YES1: variants seen among roughly 807,000 people sequenced by gnomAD.
YES1 encodes YES proto-oncogene 1, Src family tyrosine kinase.
Under a neutral mutation model 70.4 loss-of-function variants are expected in YES1, and 39 were observed. The ratio of observed to expected loss-of-function variants is 0.55; its 90% confidence interval spans 0.43 to 0.72. The LOEUF is 0.72. Ranked by LOEUF, YES1 falls within the 30% of genes least tolerant of loss-of-function variation. YES1 has a pLI of 0.00. For missense variants in YES1, 495 were observed against 644.8 expected, an observed-to-expected ratio of 0.77 and a Z score of 2.52; for synonymous variants, 198 against 218.6, an observed-to-expected ratio of 0.91 and a Z score of 0.83.
intron 1 of YES1, among the ~76,000 whole-genome samples, chr18:790,888 C>T (rs1906210401): frequency 6.6e-6 from 1 of 152,126 alleles, no homozygotes. Context: ...CAAAAGAGCT[C>T]CTTCCCAACT....
intron 2 of YES1, among the ~76,000 whole-genome samples, chr18:754,157 C>G (rs750607137): frequency 9.9e-5 from 15 of 152,164 alleles, no homozygotes; most frequent in Non-Finnish European, 1.5e-4. Context: ...TTTACTTAAT[C>G]TCTTCAGCAG....
chr18:812,386 G>C (rs1460312687), upstream of YES1: 2 of 150,492 alleles, frequency 1.3e-5, no homozygotes, highest in African/African-American at 4.9e-5. Flanking sequence ...GCGGGTACCT[G>C]CGCGCGCCGC....
At chr18:779,730 C>T (rs1905558287) in intron 1 of YES1, among the ~76,000 whole-genome samples, 1 of 152,160 alleles carries the variant, frequency 6.6e-6, no homozygotes, top group Admixed American at 6.6e-5. Context: ...ATTTTCACAC[C>T]TTACTTCCAG....
At chr18:756,483 A>G in intron 2 of YES1, 74 bp downstream of exon 2, 1 of 1,533,914 alleles carries the variant, frequency 6.5e-7, no homozygotes, top group East Asian at 2.3e-5. Context: ...TCTTAAAGGC[A>G]GACAAGCCTT....
chr18:790,090 T>A (rs1435567794), intron 1 of YES1, among the ~76,000 whole-genome samples: 1 of 148,392 alleles, frequency 6.7e-6, no homozygotes, highest in Non-Finnish European at 1.5e-5. Context: ...AACAAAAGAT[T>A]CCCGGCTGAG....
intron 11 of YES1, among the ~76,000 whole-genome samples, chr18:726,500 G>C (rs1299989981): frequency 6.6e-6 from 1 of 151,962 alleles, no homozygotes; most frequent in African/African-American, 2.4e-5. Flanking sequence ...TTTGATGCCA[G>C]CTGGGCATGG....
intron 1 of YES1, among the ~76,000 whole-genome samples, chr18:767,916 G>T (rs1483130214): frequency 6.6e-6 from 1 of 151,996 alleles, no homozygotes; most frequent in Non-Finnish European, 1.5e-5. Flanking sequence ...GGCCAGGCTG[G>T]TCTCAAACTC....
chr18:730,303 T>C (rs1264004575), intron 11 of YES1, among the ~76,000 whole-genome samples: 3 of 151,820 alleles, frequency 2.0e-5, no homozygotes, highest in Non-Finnish European at 4.4e-5. Flanking sequence ...AGACTCTCCC[T>C]GTGTATGTGC....
chr18:780,355 C>CCATGTATGGATTAA (rs1568211768), intron 1 of YES1, among the ~76,000 whole-genome samples: 95 of 151,996 alleles, frequency 6.3e-4, no homozygotes, highest in African/African-American at 2.1e-3. Flanking sequence ...GTATGGATTA[C>CCATGTATGGATTAA]TAAAGGATAA....
chr18:750,404 T>C (rs972930486), intron 3 of YES1, among the ~76,000 whole-genome samples: 1 of 152,212 alleles, frequency 6.6e-6, no homozygotes, highest in South Asian at 2.1e-4. Context: ...TTCAGCACTA[T>C]TGACACCTTG....
At chr18:787,080 CTTTTTTTTTTTTTTTT>C (rs71174290) in intron 1 of YES1, among the ~76,000 whole-genome samples, 17 of 34,752 alleles carry the variant, frequency 4.9e-4, no homozygotes, top group South Asian at 3.3e-3. Flanking sequence ...TACATACTGT[CTTTTTTTTTTTTTTTT>C]TTTTTTTTTT....
At chr18:741,079 G>A (rs2080212087) in intron 8 of YES1, among the ~76,000 whole-genome samples, 2 of 151,852 alleles carry the variant, frequency 1.3e-5, no homozygotes, top group African/African-American at 4.8e-5. Context: ...TGTATTTTTA[G>A]CAGAGACGGG....
intron 11 of YES1, among the ~76,000 whole-genome samples, chr18:729,030 T>C (rs12185416): frequency 0.59 from 89,252 of 152,018 alleles, 26,553 homozygotes; most frequent in East Asian, 0.71. Context: ...AAAAATGTTG[T>C]TACTGTTTCA....
chr18:735,543 G>A (rs1279526232), intron 10 of YES1, among the ~76,000 whole-genome samples: 3 of 151,838 alleles, frequency 2.0e-5, no homozygotes, highest in Non-Finnish European at 4.4e-5. Flanking sequence ...GTGAAACCCC[G>A]TCTCTACTGA....
intron 11 of YES1, among the ~76,000 whole-genome samples, chr18:731,490 A>G (rs988209022): frequency 1.3e-5 from 2 of 152,210 alleles, no homozygotes; most frequent in African/African-American, 4.8e-5. Context: ...AATATGTTAG[A>G]TAACATGCAA....
Position 723,545 on chromosome 18 carries a change from G to A in YES1, c.*879C>T, listed in dbSNP as rs1298546093. ...GACATATAAGCAATACTCACAGTAC[G>A]AAGTCTAGTTTTTAAAAAGGGCTTT... On this transcript the variant is annotated 3_prime_UTR_variant, in exon 12 of 12. Transcript: ENST00000314574. 3 of 152,540 alleles carry A rather than the reference G, an allele frequency of 2.0e-5. No homozygotes were observed. The highest frequency in any genetic ancestry group is 2.4e-5 in the African/African-American group (1 of 41,426). The allele number at this position is 152,540 out of a possible 1,614,324, so 9.4% of individuals were successfully genotyped here.
chr18:740,304 T>C (rs527577276), intron 8 of YES1, among the ~76,000 whole-genome samples: 1 of 152,324 alleles, frequency 6.6e-6, no homozygotes, highest in African/African-American at 2.4e-5. Flanking sequence ...TGATTACGGC[T>C]TCACTATTAT....
intron 1 of YES1, among the ~76,000 whole-genome samples, chr18:762,453 G>A (rs1041215131): frequency 6.6e-6 from 1 of 152,078 alleles, no homozygotes; most frequent in African/African-American, 2.4e-5. Context: ...ATTTACCCAT[G>A]TAACAAACCT....
intron 1 of YES1, among the ~76,000 whole-genome samples, chr18:789,787 C>T (rs1906147101): frequency 6.6e-6 from 1 of 151,492 alleles, no homozygotes; most frequent in Admixed American, 6.6e-5. Context: ...TGGCCAGGCA[C>T]AGTGGCTCAA....
Sources: gnomAD v4.1 joint callset for allele counts (sites outside exome capture counted in the v4.1 genomes callset) on GRCh38, gnomAD v4.1.1 for gene constraint, MANE v1.5 for transcripts, NCBI Gene and HGNC (gene_info 2026-07-23, HGNC 2026-07-21) for gene names.